Variants in JAK1 observed in about 807,000 individuals in gnomAD.
The protein encoded by JAK1 is tyrosine-protein kinase JAK1.
A neutral mutation model predicts 136.6 loss-of-function variants in JAK1; 16 were observed. The observed-to-expected ratio is 0.12, with a 90% confidence interval of 0.08 to 0.18. The LOEUF is 0.18. Among genes scored for constraint, JAK1 ranks in the 10% least tolerant of loss-of-function variants. JAK1 has a pLI of 1.00. For synonymous variants in JAK1, 492 were observed against 519.5 expected, an observed-to-expected ratio of 0.95 and a Z score of 0.72; for missense variants, 859 against 1,450.1, an observed-to-expected ratio of 0.59 and a Z score of 6.62.
chr1:64,840,646 T>C (rs375230670), intron 19 of JAK1, among the ~76,000 whole-genome samples: 6 of 152,068 alleles, frequency 3.9e-5, no homozygotes, highest in South Asian at 2.1e-4. Flanking sequence ...CTAGTCAACA[T>C]AGCAAGACCC....
intron 2 of JAK1, among the ~76,000 whole-genome samples, chr1:64,988,860 G>T (rs887986538): frequency 6.6e-6 from 1 of 151,560 alleles, no homozygotes; most frequent in Non-Finnish European, 1.5e-5. Flanking sequence ...CTGCACTGAA[G>T]CCTGGGTGAA....
intron 2 of JAK1, among the ~76,000 whole-genome samples, chr1:64,988,811 C>T (rs1646624078): frequency 1.3e-5 from 2 of 151,692 alleles, no homozygotes; most frequent in Admixed American, 1.3e-4. Flanking sequence ...ATCATTTGAG[C>T]CTGGGAAGTC....
intron 2 of JAK1, chr1:65,003,785 T>C (rs1477330827): frequency 3.3e-5 from 5 of 151,774 alleles, no homozygotes; most frequent in African/African-American, 4.8e-5. Flanking sequence ...CTTACTCCAC[T>C]CCCTCTGTCT....
At chr1:64,967,941 A>C (rs142866242), upstream of JAK1, among the ~76,000 whole-genome samples, 1 of 152,178 alleles carries the variant, frequency 6.6e-6, no homozygotes, top group African/African-American at 2.4e-5. Flanking sequence ...GGCTGTTTGC[A>C]TCATTTTCTT....
At chr1:64,982,474 G>C (rs895776949) in intron 2 of JAK1, among the ~76,000 whole-genome samples, 1 of 152,114 alleles carries the variant, frequency 6.6e-6, no homozygotes, top group Non-Finnish European at 1.5e-5. Context: ...CTCAAACAGG[G>C]CCCTTTCAGA....
At chr1:65,046,505 T>G (rs1546186) in intron 1 of JAK1, among the ~76,000 whole-genome samples, 1,863 of 132,996 alleles carry the variant, frequency 0.014, 32 homozygotes, top group African/African-American at 0.052. Context: ...AGACCAACGT[T>G]TGGAAGTTAC....
rs748382768 is a variant in JAK1, at chr1:64,838,481, G to C, written c.2951C>G (p.Ala984Gly). ...KINLKQQLKY[A>G]VQICKGMDYL... Reference sequence around the variant, plus strand: ...ATTTTTTACCTTACAAATCTGAACGGCATATTTTAGCTGCTGTTTGAGGTT... The same window carrying C: ...ATTTTTTACCTTACAAATCTGAACGCCATATTTTAGCTGCTGTTTGAGGTT... The change falls in exon 21 of 25, where the codon GCC (alanine) becomes GGC (glycine). Residue 984 changes from alanine (A) to glycine (G), a missense_variant. Ala to Gly is a moderately conservative substitution (Grantham distance 60). Coordinates refer to ENST00000342505, the MANE Select transcript of JAK1 (RefSeq NM_002227.4). 6.2e-7 allele frequency: 1 copy of C among 1,613,836 alleles called. No homozygotes were observed. The highest frequency in any genetic ancestry group is 1.1e-5 in the South Asian group (1 of 91,066).
chr1:64,944,943 G>A (rs1357909290), intron 1 of JAK1, among the ~76,000 whole-genome samples: 3 of 151,956 alleles, frequency 2.0e-5, no homozygotes, highest in Non-Finnish European at 4.4e-5. Context: ...TTAATGCACA[G>A]AGCAACTGAT....
intron 1 of JAK1, among the ~76,000 whole-genome samples, chr1:64,902,579 A>AGTGTGT (rs1456324925): frequency 1.5e-3 from 35 of 23,914 alleles, no homozygotes; most frequent in Admixed American, 7.5e-3. Context: ...AGAGAGAGAG[A>AGTGTGT]GAGAGTGTGT....
At position 64,846,755 on chromosome 1, in the gene JAK1, T is replaced by C; in HGVS notation, c.1900-19A>G. On this transcript the variant is annotated intron_variant, in intron 13 of 24. Coordinates refer to ENST00000342505, the MANE Select transcript of JAK1 (RefSeq NM_002227.4). ...AGAAGGCCTGTGGGCGAGCAGGACA[T>C]AGGAATGTCTCAGGCCAGCCTCCAG... is the stretch of plus-strand genomic sequence containing the variant. 2.5e-6 allele frequency: 4 copies of C among 1,604,682 alleles called. No individual in the cohort carries two copies. Among genetic ancestry groups the C allele is most frequent in the Non-Finnish European group, 3.4e-6 (4 of 1,172,274 alleles).
chr1:64,966,928 T>G (rs1268803992), upstream of JAK1, among the ~76,000 whole-genome samples: 1 of 151,992 alleles, frequency 6.6e-6, no homozygotes, highest in Non-Finnish European at 1.5e-5. Flanking sequence ...CCGTATACGC[T>G]CCGCTTCTTA....
chr1:64,858,848 G>C (rs886810651), intron 9 of JAK1, among the ~76,000 whole-genome samples: 2 of 152,176 alleles, frequency 1.3e-5, no homozygotes, highest in Non-Finnish European at 2.9e-5. Context: ...AAGGGAAAGA[G>C]GTATGATTGT....
chr1:64,923,823 C>T (rs116182019), intron 1 of JAK1, among the ~76,000 whole-genome samples: 25 of 152,272 alleles, frequency 1.6e-4, no homozygotes, highest in African/African-American at 5.5e-4. Context: ...CGGTTCCCAA[C>T]GCCTCCCACC....
chr1:65,049,403 CAG>C (rs1007863139), intron 1 of JAK1, among the ~76,000 whole-genome samples: 2 of 152,138 alleles, frequency 1.3e-5, no homozygotes, highest in African/African-American at 4.8e-5. Flanking sequence ...GCCTGGGTAA[CAG>C]AGTGAGATCC....
chr1:64,844,626 C>T lies in JAK1; in HGVS notation c.2251+128G>A. ...GACCATCCTGGCCAACATGGTGAAA[C>T]CCCGTCTCTACTAAAATACAAAAAA... is the stretch of plus-strand genomic sequence containing the variant. On this transcript the variant is annotated intron_variant, in intron 16 of 24. Coordinates refer to ENST00000342505, the MANE Select transcript of JAK1 (RefSeq NM_002227.4). The surrounding 1 kb of genome is among the most constrained non-coding windows in gnomAD (Gnocchi z 5.7). The T allele has an allele frequency of 9.1e-7, 1 of 1,094,400 alleles. No homozygotes were observed. Among genetic ancestry groups the T allele is most frequent in the Admixed American group, 2.3e-5 (1 of 43,584 alleles). 67.8% of individuals were successfully genotyped at this position (1,094,400 alleles called of 1,614,324 possible). A position where few individuals can be genotyped will look rare whatever the true frequency, so the allele number is the denominator to read the frequency against.
chr1:64,982,308 C>T lies in JAK1; in HGVS notation c.-78+62172G>A, dbSNP rs187995414. Among the ~76,000 whole-genome samples the T allele has an allele frequency of 1.6e-3, 236 of 152,204 alleles. 1 individual carries two copies. Among genetic ancestry groups the T allele is most frequent in the African/African-American group, 5.4e-3 (225 of 41,512 alleles). ...GGCAGGTGTCTTTTAACTGAGTTAA[C>T]GCATTATGTGATTTGGGAGGGGCAT... On this transcript the variant is annotated intron_variant, in intron 2 of 25. Coordinates refer to the JAK1 transcript ENST00000671954.
intron 7 of JAK1, 94 bp from the exon 8 acceptor site, chr1:64,865,066 A>G (rs746301477): frequency 6.2e-5 from 60 of 965,226 alleles, no homozygotes; most frequent in Non-Finnish European, 8.3e-5. Context: ...TGCAGGGCCT[A>G]GGTCCAAGGA....
intron 2 of JAK1, among the ~76,000 whole-genome samples, chr1:65,030,399 G>A (rs1288479548): frequency 6.6e-6 from 1 of 152,162 alleles, no homozygotes. Context: ...AGAAGAGAAA[G>A]TTTCTCATTC....
At chr1:65,044,619 G>A (rs1477590893) in intron 1 of JAK1, among the ~76,000 whole-genome samples, 1 of 152,216 alleles carries the variant, frequency 6.6e-6, no homozygotes, top group Non-Finnish European at 1.5e-5. Flanking sequence ...AGATGGCTTG[G>A]GAAGTGGAGC....
Sources: allele counts gnomAD v4.1 joint callset (sites outside exome capture counted in the v4.1 genomes callset), GRCh38; gene constraint gnomAD v4.1.1; non-coding constraint Gnocchi (gnomAD v3.1); transcripts MANE v1.5; gene names NCBI Gene and HGNC (gene_info 2026-07-23, HGNC 2026-07-21).